PLG: variants seen among roughly 807,000 people sequenced by gnomAD.
PLG encodes the protein plasminogen.
In PLG, 41 loss-of-function variants were observed where a neutral mutation model predicts 104.4. The ratio of observed to expected loss-of-function variants is 0.39; its 90% CI spans 0.31 to 0.51. PLG has a LOEUF of 0.51. Ranked by LOEUF, PLG falls within the 20% of genes least tolerant of loss-of-function variation. PLG has a pLI of 0.76. For synonymous variants in PLG, 337 were observed against 357.1 expected (o/e 0.94, Z 0.63); for missense variants, 891 against 1,003.6 (o/e 0.89, Z 1.52).
intron 17 of PLG, among the ~76,000 whole-genome samples, chr6:160,750,656 A>T (rs1396778601): frequency 6.6e-6 from 1 of 152,202 alleles, no homozygotes; most frequent in Non-Finnish European, 1.5e-5. Flanking sequence ...AGCCTCTTCC[A>T]TGCTGCTCAT....
At chr6:160,714,561 T>C (rs924794571) in intron 5 of PLG, among the ~76,000 whole-genome samples, 1 of 151,984 alleles carries the variant, frequency 6.6e-6, no homozygotes, top group Non-Finnish European at 1.5e-5. Context: ...GTTGAGGGAG[T>C]ATTGACTAAA....
chr6:160,720,815 G>T (rs1777817493), intron 9 of PLG, among the ~76,000 whole-genome samples: 1 of 151,870 alleles, frequency 6.6e-6, no homozygotes, highest in South Asian at 2.1e-4. Context: ...TTCCTTTTGG[G>T]ACTCTAAGTA....
At position 160,718,836 on chromosome 6, in the gene PLG, C is replaced by T. The variant is rs1342038607; in HGVS notation, c.1094C>T (p.Thr365Ile). The change falls in exon 9 of 19, where the codon ACA (threonine) becomes ATA (isoleucine). Residue 365 changes from threonine (T) to isoleucine (I), a missense_variant and splice_region_variant. Transcript: ENST00000308192. ...SPVSTEQLAP[T>I]APPELTPVVQ... is the part of the protein sequence containing the mutation. ...GTATCCACGGAACAATTGGCTCCCA[C>T]AGGTAAGCAAGGGTATGGGAGCTTA... is the stretch of plus-strand genomic sequence containing the variant. 3 of 1,613,548 alleles carry T rather than the reference C, an allele frequency of 1.9e-6. No homozygotes were observed. The African/African-American group carries it at 4.0e-5, about 22-fold the overall frequency.
chr6:160,715,441 G>A (rs1777712660), intron 6 of PLG, among the ~76,000 whole-genome samples: 1 of 152,070 alleles, frequency 6.6e-6, no homozygotes, highest in South Asian at 2.1e-4. Context: ...TGTTTTTCTG[G>A]AATGAGGATT....
chr6:160,714,962 G>A, intron 6 of PLG, 48 bp downstream of exon 6: 1 of 1,578,362 alleles, frequency 6.3e-7, no homozygotes, highest in Non-Finnish European at 8.7e-7. Flanking sequence ...AGGCTCTGCA[G>A]CTCTATCAGA....
intron 10 of PLG, among the ~76,000 whole-genome samples, chr6:160,730,016 T>C (rs1211334233): frequency 1.3e-5 from 2 of 152,126 alleles, no homozygotes; most frequent in Non-Finnish European, 2.9e-5. Context: ...GTAGAGTCGC[T>C]AGAGAGACAA....
intron 2 of PLG, among the ~76,000 whole-genome samples, chr6:160,707,163 C>A (rs1285896765): frequency 1.3e-5 from 2 of 151,954 alleles, no homozygotes; most frequent in African/African-American, 4.8e-5. Flanking sequence ...TGAGGGGGAC[C>A]ATTAAGAGAT....
intron 3 of PLG, chr6:160,708,386 G>A (rs543275899): frequency 6.5e-5 from 10 of 152,876 alleles, no homozygotes; most frequent in African/African-American, 1.9e-4. Context: ...ATTTTAAAAT[G>A]TGGGTCAATA....
rs1390695138 is a variant in PLG, at chr6:160,732,901, C to T, written c.1587+1008C>T. 1.3e-5 allele frequency among the ~76,000 whole-genome samples: 2 copies of T among 152,104 alleles called. No homozygotes were observed. The highest frequency in any genetic ancestry group is 4.8e-5 in the African/African-American group (2 of 41,400). ...CTGGGTTTTTATGGAGGCTTCATTACAGAGGCACAGTTGAATACATCGTTG... is the reference window on the plus strand; with the variant it reads ...CTGGGTTTTTATGGAGGCTTCATTATAGAGGCACAGTTGAATACATCGTTG... On this transcript the variant is annotated intron_variant, in intron 12 of 18. Transcript: ENST00000308192. This position sits in a 1 kb window ranked among gnomAD's most constrained non-coding sequence, Gnocchi z 4.5.
At position 160,724,519 on chromosome 6, in the gene PLG, G is replaced by A. The variant is rs1217197637; in HGVS notation, c.1256+1952G>A. Among the ~76,000 whole-genome samples the A allele has an allele frequency of 3.9e-5, 6 of 151,958 alleles. No homozygotes were observed. The highest frequency in any genetic ancestry group is 8.8e-5 in the Non-Finnish European group (6 of 67,982). The stretch of plus-strand genomic sequence containing the variant: ...TATGTGTAAAGCAAGTCACAAGAGA[G>A]GAAAGAGATATTGGGACAGAAAAAA... On this transcript the variant is annotated intron_variant, in intron 10 of 18. Transcript: ENST00000308192. The surrounding 1 kb of genome is among the most constrained non-coding windows in gnomAD (Gnocchi z 5.0).
At chr6:160,713,272 A>ATTTTT in intron 5 of PLG, 147 bp downstream of exon 5, 2 of 713,620 alleles carry the variant, frequency 2.8e-6, no homozygotes, top group South Asian at 1.6e-5. Flanking sequence ...AATTAACCTG[A>ATTTTT]ATTTTTTTTT....
rs1392397971 is a variant in PLG, at chr6:160,726,126, T to C, written c.1256+3559T>C. On this transcript the variant is annotated intron_variant, in intron 10 of 18. Transcript: ENST00000308192. The surrounding 1 kb of genome is among the most constrained non-coding windows in gnomAD (Gnocchi z 4.4). The stretch of plus-strand genomic sequence containing the variant: ...AGGAAATTGTCAACCTATTTAACAC[T>C]ATGCCAAACTGCAGAATACACATTC... Among the ~76,000 whole-genome samples, 1 of 152,128 alleles carries C rather than the reference T, an allele frequency of 6.6e-6. No homozygotes were observed. The highest frequency in any genetic ancestry group is 2.4e-5 in the African/African-American group (1 of 41,442).
In PLG at chr6:160,753,449, G is replaced by C; in HGVS notation, c.*388G>C. The stretch of plus-strand genomic sequence containing the variant: ...TCACAGAGGGGAGAGCCAAGAAGTT[G>C]TCCACGCATTTACCTCATCAGCTAA... On this transcript the variant is annotated 3_prime_UTR_variant, in exon 19 of 19. Coordinates refer to ENST00000308192, the MANE Select transcript of PLG (RefSeq NM_000301.5). The surrounding 1 kb of genome is among the most constrained non-coding windows in gnomAD (Gnocchi z 5.4). The C allele has an allele frequency of 2.9e-6, 1 of 341,720 alleles. No homozygotes were observed. The highest frequency in any genetic ancestry group is 2.5e-5 in the South Asian group (1 of 39,624). The allele number at this position is 341,720 out of a possible 1,614,324, so 21.2% of individuals were successfully genotyped here. A position where few individuals can be genotyped will look rare whatever the true frequency, so the allele number is the denominator to read the frequency against.
At chr6:160,702,603 A>G (rs1440172005) in intron 1 of PLG, among the ~76,000 whole-genome samples, 4 of 152,206 alleles carry the variant, frequency 2.6e-5, no homozygotes, top group Non-Finnish European at 5.9e-5. Flanking sequence ...GAGTGCACCC[A>G]CATAATGGCC....
At chr6:160,716,853 C>T (rs1777740971) in intron 7 of PLG, 90 bp downstream of exon 7, 8 of 829,294 alleles carry the variant, frequency 9.6e-6, no homozygotes, top group African/African-American at 1.7e-5. Context: ...TGAGTGCAGC[C>T]TCTGAAAAGT....
At position 160,737,010 on chromosome 6, in the gene PLG, A is replaced by G. The variant is rs765434881; in HGVS notation, c.1802+3A>G. Reference sequence around the variant, plus strand: ...TGGCAAGTCAGTCTTAGAACAAGGTAAGAACAGGCCCAGAAACGATTTATA... The same window carrying G: ...TGGCAAGTCAGTCTTAGAACAAGGTGAGAACAGGCCCAGAAACGATTTATA... On this transcript the variant is annotated splice_donor_region_variant and intron_variant, in intron 14 of 18. Transcript: ENST00000308192. This position sits in a 1 kb window ranked among gnomAD's most constrained non-coding sequence, Gnocchi z 4.7. The G allele has an allele frequency of 4.3e-6, 7 of 1,612,726 alleles. No homozygotes were observed. The highest frequency in any genetic ancestry group is 1.7e-5 in the Admixed American group (1 of 59,974).
chr6:160,702,282 G>T lies in PLG; in HGVS notation c.-23G>T. 2 of 1,609,416 alleles carry T rather than the reference G, an allele frequency of 1.2e-6. No homozygotes were observed. Among genetic ancestry groups the T allele is most frequent in the African/African-American group, 1.3e-5 (1 of 74,868 alleles). ...ATCCTGGGATTGGGACCCACTTTCT[G>T]GGCACTGCTGGCCAGTCCCAAAATG... On this transcript the variant is annotated 5_prime_UTR_variant, in exon 1 of 19. Transcript: ENST00000308192.
At chr6:160,748,407 A>AGAAAGG (rs1778327787) in intron 17 of PLG, among the ~76,000 whole-genome samples, 1 of 85,130 alleles carries the variant, frequency 1.2e-5, no homozygotes, top group Non-Finnish European at 2.3e-5. Flanking sequence ...AAAGGAAGAA[A>AGAAAGG]GAAAGAAAGG....
chr6:160,707,780 G>A lies in PLG; in HGVS notation c.266G>A (p.Arg89Lys), dbSNP rs143079629. 0.011 allele frequency: 16,991 copies of A among 1,611,348 alleles called. 128 individuals are homozygous for A. The highest frequency in any genetic ancestry group is 0.014 in the Non-Finnish European group (16,026 of 1,179,306). Residue 89 changes from arginine (R) to lysine (K), a missense_variant, in exon 3 of 19, where the codon AGA becomes AAA. By Grantham distance (26) the Arg-to-Lys change is conservative. Around this residue, in one of 2 missense-constraint regions of PLG, gnomAD observed 854 missense variants for 932.1 expected, o/e 0.92. Transcript: ENST00000308192. ...AAGTCCTCCATAATCATTAGGATGA[G>A]AGATGTAGTTTTATTTGAAAAGAAA... is the stretch of plus-strand genomic sequence containing the variant. ...NRKSSIIIRM[R>K]DVVLFEKKVY...
Sources: allele counts gnomAD v4.1 joint callset (sites outside exome capture counted in the v4.1 genomes callset), GRCh38; gene constraint gnomAD v4.1.1; regional missense constraint gnomAD v4.1.1; non-coding constraint Gnocchi (gnomAD v3.1); transcripts MANE v1.5; gene names NCBI Gene and HGNC (gene_info 2026-07-23, HGNC 2026-07-21).